The following MISP variants were observed in gnomAD, a reference collection of about 807,000 sequenced individuals.
MISP encodes mitotic interactor and substrate of PLK1.
In MISP, 51 loss-of-function variants were observed where a neutral mutation model predicts 49.3. That is an observed-to-expected ratio of 1.03 (90% CI 0.83 to 1.31). The LOEUF (loss-of-function observed/expected upper bound fraction) is 1.31, where lower values mean the gene tolerates loss of function less well. Among genes scored for constraint, MISP ranks in the 50% most tolerant of loss-of-function variants. The probability of loss-of-function intolerance (pLI) is 0.00; values close to 1 mark genes in which losing one functional copy is unlikely to be tolerated. For missense variants in MISP, 1,084 were observed against 935.1 expected (o/e 1.16, Z -2.08); for synonymous variants, 444 against 392.6 (o/e 1.13, Z -1.55).
intron 1 of MISP, 59 bp from the exon 2 acceptor site, chr19:756,831 G>A: frequency 1.2e-6 from 1 of 846,974 alleles, no homozygotes; most frequent in Non-Finnish European, 1.8e-6. Flanking sequence ...GGGACTGGAG[G>A]CTGTTCCTCT....
Position 757,667 on chromosome 19 carries a change from A to G in MISP, c.721A>G (p.Asn241Asp), listed in dbSNP as rs1227470847. The change falls in exon 2 of 5, where the codon AAC becomes GAC. Residue 241 changes from asparagine to aspartate, a missense_variant. By Grantham distance (23) the Asn-to-Asp change is conservative (BLOSUM62 1). Transcript: ENST00000215582. The stretch of plus-strand genomic sequence containing the variant: ...GGCCTTCAACAAGCCCCACCTGGCC[A>G]ACGGGCACGTGGTTCCCATCAAGCC... ...PKAFNKPHLA[N>D]GHVVPIKPQV... 11 of 1,613,624 alleles carry G rather than the reference A, an allele frequency of 6.8e-6. No homozygotes were observed.
chr19:752,165 C>G (rs112728286), intron 1 of MISP, among the ~76,000 whole-genome samples: 1 of 152,122 alleles, frequency 6.6e-6, no homozygotes, highest in Non-Finnish European at 1.5e-5. Context: ...AAACCGGAGT[C>G]GAAAACGGTT....
chr19:756,616 C>T (rs1025148337), intron 1 of MISP, among the ~76,000 whole-genome samples: 1 of 152,208 alleles, frequency 6.6e-6, no homozygotes, highest in African/African-American at 2.4e-5. Context: ...ATGGGCTGCT[C>T]TGAGTGGCTG....
intron 1 of MISP, among the ~76,000 whole-genome samples, chr19:754,509 C>A (rs1382614715): frequency 6.6e-6 from 1 of 152,154 alleles, no homozygotes; most frequent in East Asian, 1.9e-4. Flanking sequence ...TGCCCGTAGT[C>A]CCAGCTACTC....
upstream of MISP, among the ~76,000 whole-genome samples, chr19:749,833 AAC>A (rs1453830372): frequency 7.7e-6 from 1 of 130,132 alleles, no homozygotes; most frequent in African/African-American, 2.5e-5. Flanking sequence ...TCAAAAAAAA[AAC>A]ACAAAAAAAG....
At position 756,447 on chromosome 19, in the gene MISP, C is replaced by G. The variant is rs144579041; in HGVS notation, c.-57-443C>G. Among the ~76,000 whole-genome samples the G allele has an allele frequency of 3.9e-5, 6 of 152,168 alleles. 2 individuals carry two copies. Among genetic ancestry groups the G allele is most frequent in the African/African-American group, 1.4e-4 (6 of 41,512 alleles). ...ATCAGGATGAGTCACTTACCCATCC[C>G]TGAACCAATCACAGAGGCCAGAGAA... On this transcript the variant is annotated intron_variant, in intron 1 of 4. Coordinates refer to ENST00000215582, the MANE Select transcript of MISP (RefSeq NM_173481.4).
chr19:760,809 C>T (rs12981814), intron 3 of MISP, among the ~76,000 whole-genome samples: 2,410 of 152,018 alleles, frequency 0.016, 62 homozygotes, highest in Non-Finnish European at 0.019. Flanking sequence ...CACGCTGGCT[C>T]GGGGCTTCCA....
chr19:763,448 C>T, intron 4 of MISP, 53 bp from the exon 5 acceptor site: 7 of 1,337,672 alleles, frequency 5.2e-6, no homozygotes. Context: ...GAGGAGACAT[C>T]TTGGGGGTGT....
At position 763,983 on chromosome 19, in the gene MISP, C is replaced by T. The variant is rs73490513; in HGVS notation, c.*393C>T. 4,690 of 165,654 alleles carry T rather than the reference C, an allele frequency of 0.028. 249 individuals carry two copies. The highest frequency in any genetic ancestry group is 0.11 in the African/African-American group (4,457 of 41,880). 10.3% of individuals were successfully genotyped at this position (165,654 alleles called of 1,614,324 possible). On this transcript the variant is annotated 3_prime_UTR_variant, in exon 5 of 5. Transcript: ENST00000215582. ...AAGAGGGTGGCACAGATCGCAGCACCTTGAGGGGCTGCGGGTCTGAGGGAG... is the reference window on the plus strand; with the variant it reads ...AAGAGGGTGGCACAGATCGCAGCACTTTGAGGGGCTGCGGGTCTGAGGGAG...
chr19:750,397 G>A (rs892954893), upstream of MISP, among the ~76,000 whole-genome samples: 8 of 151,790 alleles, frequency 5.3e-5, no homozygotes, highest in Admixed American at 3.3e-4. Flanking sequence ...ACGGGGTTTC[G>A]CCATGTTGGC....
rs147697749 is a variant in MISP, at chr19:757,337, G to A, written c.391G>A (p.Ala131Thr). The change falls in exon 2 of 5, where the codon GCT becomes ACT. Residue 131 changes from alanine (A) to threonine (T), a missense_variant. Transcript: ENST00000215582. ...GACCTACCGCCTGGATGCTGGGGACGCTGACCCCAGGAGGCTGTGTGACCT... is the reference window on the plus strand; with the variant it reads ...GACCTACCGCCTGGATGCTGGGGACACTGACCCCAGGAGGCTGTGTGACCT... Reference protein sequence around the residue: ...MKTYRLDAGDADPRRLCDLER... With the variant: ...MKTYRLDAGDTDPRRLCDLER... The A allele has an allele frequency of 6.8e-6, 11 of 1,613,706 alleles. No individual in the cohort carries two copies. Among genetic ancestry groups the A allele is most frequent in the African/African-American group, 5.3e-5 (4 of 74,918 alleles).
chr19:756,777 T>A, intron 1 of MISP, 113 bp from the exon 2 acceptor site: 1 of 618,924 alleles, frequency 1.6e-6, no homozygotes, highest in East Asian at 2.8e-5. Context: ...TACCCATCCC[T>A]AAACCAATCA....
chr19:757,026 C>A lies in MISP; in HGVS notation c.80C>A (p.Thr27Asn). 1 of 1,606,492 alleles carries A rather than the reference C, an allele frequency of 6.2e-7. No individual in the cohort carries two copies. The highest frequency in any genetic ancestry group is 8.5e-7 in the Non-Finnish European group (1 of 1,176,632). ...ACCGGCCTGGTGCTGGATGGAGACA[C>A]CAGCTACACATACCATCTGGTGTGC... Reference protein sequence around the residue: ...RGTGLVLDGDTSYTYHLVCMG... With the variant: ...RGTGLVLDGDNSYTYHLVCMG... The change falls in exon 2 of 5, where the codon ACC (threonine) becomes AAC (asparagine). Residue 27 changes from threonine (T) to asparagine (N), a missense_variant. Thr to Asn is a moderately conservative substitution (Grantham distance 65). Transcript: ENST00000215582.
At chr19:758,900 G>C (rs2033626092) in intron 2 of MISP, among the ~76,000 whole-genome samples, 174 bp downstream of exon 2, 1 of 152,186 alleles carries the variant, frequency 6.6e-6, no homozygotes, top group Non-Finnish European at 1.5e-5. Context: ...TAAAAATGTA[G>C]ATTTTGGAGA....
At chr19:756,638 GCACCCC>G (rs1157393048) in intron 1 of MISP, among the ~76,000 whole-genome samples, 1 of 148,680 alleles carries the variant, frequency 6.7e-6, no homozygotes, top group African/African-American at 2.6e-5. Context: ...ACTGTGTCAC[GCACCCC>G]TAAACCAATC....
At position 757,176 on chromosome 19, in the gene MISP, C is replaced by T. The variant is rs199885123; in HGVS notation, c.230C>T (p.Pro77Leu). The T allele has an allele frequency of 2.2e-5, 36 of 1,613,362 alleles. No individual in the cohort carries two copies. The highest frequency in any genetic ancestry group is 1.6e-4 in the Middle Eastern group (1 of 6,084). ...AGCGTGCATGCCTACACTGGCCAGC[C>T]GTCCCCACGGGGGCTCCACTCGGAG... ...SYSVHAYTGQ[P>L]SPRGLHSENR... Residue 77 changes from proline (P) to leucine (L), a missense_variant, in exon 2 of 5, where the codon CCG becomes CTG. Coordinates refer to ENST00000215582, the MANE Select transcript of MISP (RefSeq NM_173481.4).
chr19:749,657 C>T (rs901782282), upstream of MISP, among the ~76,000 whole-genome samples: 245 of 152,266 alleles, frequency 1.6e-3, 5 homozygotes, highest in Non-Finnish European at 4.0e-4. Context: ...GTGGCAAAAC[C>T]CTGTCTCTAC....
upstream of MISP, among the ~76,000 whole-genome samples, chr19:749,568 C>G (rs989963414): frequency 4.6e-5 from 7 of 152,206 alleles, no homozygotes; most frequent in Non-Finnish European, 1.0e-4. Flanking sequence ...CCGTGGCTCG[C>G]GCCTGTAATC....
chr19:754,115 C>A (rs2033506235), intron 1 of MISP, among the ~76,000 whole-genome samples: 1 of 151,950 alleles, frequency 6.6e-6, no homozygotes, highest in South Asian at 2.1e-4. Context: ...GTCAGGAGTT[C>A]AAGACCAGCC....
Sources: gnomAD v4.1 joint callset for allele counts (sites outside exome capture counted in the v4.1 genomes callset) on GRCh38, gnomAD v4.1.1 for gene constraint, MANE v1.5 for transcripts, NCBI Gene and HGNC (gene_info 2026-07-23, HGNC 2026-07-21) for gene names.